Variants in ABCC12 observed in about 807,000 individuals in gnomAD.
ABCC12 encodes ATP binding cassette subfamily C member 12.
Under a neutral mutation model 151.1 loss-of-function variants are expected in ABCC12, and 142 were observed. The ratio of observed to expected loss-of-function variants is 0.94; its 90% confidence interval spans 0.82 to 1.08. ABCC12 has a LOEUF of 1.08. ABCC12 is among the 50% of genes least tolerant of loss of function. The probability of loss-of-function intolerance (pLI) is 0.00; values close to 1 mark genes in which losing one functional copy is unlikely to be tolerated. For missense variants in ABCC12, 1,638 were observed against 1,691.1 expected, an observed-to-expected ratio of 0.97 and a Z score of 0.55; for synonymous variants, 645 against 646.4, an observed-to-expected ratio of 1.00 and a Z score of 0.03.
chr16:48,101,714 G>A (rs1273334340), intron 22 of ABCC12, among the ~76,000 whole-genome samples: 1 of 152,060 alleles, frequency 6.6e-6, no homozygotes, highest in Non-Finnish European at 1.5e-5. Context: ...CAAGCAGGAC[G>A]AGCTCTGGTC....
At chr16:48,086,850 C>T (rs770993224) in intron 27 of ABCC12, 31 bp from the exon 28 acceptor site, 1 of 1,573,156 alleles carries the variant, frequency 6.4e-7, no homozygotes, top group Non-Finnish European at 8.7e-7. Context: ...GGACAGGGAG[C>T]CAGATTTCCA....
At chr16:48,144,195 T>C in intron 3 of ABCC12, 130 bp from the exon 4 acceptor site, 1 of 1,179,426 alleles carries the variant, frequency 8.5e-7, no homozygotes, top group South Asian at 1.6e-5. Context: ...ATTCATTATG[T>C]TTATTAGCCC....
chr16:48,116,333 G>T (rs1597313504), intron 14 of ABCC12, among the ~76,000 whole-genome samples: 1 of 152,316 alleles, frequency 6.6e-6, no homozygotes, highest in East Asian at 1.9e-4. Flanking sequence ...TCCACGGTGG[G>T]CAGGGTAGTT....
intron 24 of ABCC12, among the ~76,000 whole-genome samples, chr16:48,095,945 G>A (rs1463062149): frequency 2.6e-5 from 4 of 152,164 alleles, no homozygotes; most frequent in Non-Finnish European, 5.9e-5. Flanking sequence ...AGGACCAGGT[G>A]GCCTGCATTC....
Position 48,083,440 on chromosome 16 carries a change from G to T in ABCC12, c.*275C>A. 1 of 406,372 alleles carries T rather than the reference G, an allele frequency of 2.5e-6. No individual in the cohort carries two copies. Among genetic ancestry groups the T allele is most frequent in the Non-Finnish European group, 4.3e-6 (1 of 231,334 alleles). 25.2% of individuals were successfully genotyped at this position (406,372 alleles called of 1,614,324 possible). On this transcript the variant is annotated 3_prime_UTR_variant, in exon 31 of 31. Coordinates refer to ENST00000311303, the MANE Select transcript of ABCC12 (RefSeq NM_001393797.1). ...TGGGGTGGTTTTGGTGAAAACACATGAGGAACCCTTGGGGATTTGGGAGGT... is the reference window on the plus strand; with the variant it reads ...TGGGGTGGTTTTGGTGAAAACACATTAGGAACCCTTGGGGATTTGGGAGGT...
At chr16:48,084,865 T>A (rs1962516511) in intron 29 of ABCC12, among the ~76,000 whole-genome samples, 2 of 152,162 alleles carry the variant, frequency 1.3e-5, no homozygotes, top group African/African-American at 4.8e-5. Context: ...GGATTTGATT[T>A]AGCAAATCAG....
rs770947298 is a variant in ABCC12 at position 48,153,700 on chromosome 16, G to A, written c.-135C>T. On this transcript the variant is annotated 5_prime_UTR_variant, in exon 2 of 31. Transcript: ENST00000311303. ...TCATCAGCTTGTCTTAAGGGCTCCT[G>A]AGTCCCAGATGCCAAACACTGGAGG... is the stretch of plus-strand genomic sequence containing the variant. The A allele has an allele frequency of 3.9e-5, 6 of 152,196 alleles. No individual in the cohort carries two copies. The highest frequency in any genetic ancestry group is 7.3e-5 in the Non-Finnish European group (5 of 68,038). The allele number at this position is 152,196 out of a possible 1,614,324, so 9.4% of individuals were successfully genotyped here. A position where few individuals can be genotyped will look rare whatever the true frequency, so the allele number is the denominator to read the frequency against.
At position 48,142,097 on chromosome 16, in the gene ABCC12, C is replaced by T. The variant is rs893386067; in HGVS notation, c.276-744G>A. On this transcript the variant is annotated intron_variant, in intron 4 of 30. Coordinates refer to ENST00000311303, the MANE Select transcript of ABCC12 (RefSeq NM_001393797.1). ...AGGAAAGGAGAAAGAGGTTCAAGGA[C>T]CGACCCCAGTTTTCGGGCTTGGCCA... Among the ~76,000 whole-genome samples, 30 of 152,224 alleles carry T rather than the reference C, an allele frequency of 2.0e-4. 1 individual carries two copies. Among genetic ancestry groups the T allele is most frequent in the African/African-American group, 5.8e-4 (24 of 41,542 alleles).
At chr16:48,107,246 C>A in intron 20 of ABCC12, 76 bp downstream of exon 20, 1 of 1,371,364 alleles carries the variant, frequency 7.3e-7, no homozygotes, top group African/African-American at 1.4e-5. Context: ...GTGGCAGGGG[C>A]AGTCAGATGC....
chr16:48,081,293 C>G lies in ABCC12; in HGVS notation c.*2422G>C, dbSNP rs1434724698. ...CTACTATTATTCTACATAGTCTCCC[C>G]TTGGCTGACATGGCAGTGATAGCAA... is the stretch of plus-strand genomic sequence containing the variant. On this transcript the variant is annotated 3_prime_UTR_variant, in exon 31 of 31. Coordinates refer to ENST00000311303, the MANE Select transcript of ABCC12 (RefSeq NM_001393797.1). Among the ~76,000 whole-genome samples, 1 of 152,182 alleles carries G rather than the reference C, an allele frequency of 6.6e-6. No homozygotes were observed. The highest frequency in any genetic ancestry group is 2.4e-5 in the African/African-American group (1 of 41,436).
chr16:48,107,254 T>C, intron 20 of ABCC12, 68 bp downstream of exon 20: 1 of 1,448,826 alleles, frequency 6.9e-7, no homozygotes, highest in Non-Finnish European at 9.7e-7. Context: ...GGCAGTCAGA[T>C]GCTCTGGCAG....
At chr16:48,141,646 C>A (rs1319135587) in intron 4 of ABCC12, among the ~76,000 whole-genome samples, 1 of 152,192 alleles carries the variant, frequency 6.6e-6, no homozygotes, top group East Asian at 1.9e-4. Context: ...TATAAGAAGG[C>A]AGAGGCAACA....
At chr16:48,122,532 G>A (rs1035463765) in intron 12 of ABCC12, among the ~76,000 whole-genome samples, 4 of 152,152 alleles carry the variant, frequency 2.6e-5, no homozygotes, top group African/African-American at 9.7e-5. Context: ...GGTAGACAGC[G>A]GGGATGCAAC....
At chr16:48,146,549 C>A in intron 2 of ABCC12, 75 bp from the exon 3 acceptor site, 2 of 736,438 alleles carry the variant, frequency 2.7e-6, no homozygotes, top group East Asian at 5.0e-5. Flanking sequence ...CTACTTTACC[C>A]AGATCAGTTC....
rs560808940 is a variant in ABCC12 at position 48,083,078 on chromosome 16, C to T, written c.*637G>A. The stretch of plus-strand genomic sequence containing the variant: ...GTAATTTCCTACCGCGTTTTAACGA[C>T]GAATAAAGAAGATATAAAAGTGTCA... On this transcript the variant is annotated 3_prime_UTR_variant, in exon 31 of 31. Transcript: ENST00000311303. 5.9e-5 allele frequency: 9 copies of T among 152,210 alleles called. No individual in the cohort carries two copies. Among genetic ancestry groups the T allele is most frequent in the South Asian group, 2.1e-4 (1 of 4,810 alleles). The allele number at this position is 152,210 out of a possible 1,614,324, so 9.4% of individuals were successfully genotyped here. A position where few individuals can be genotyped will look rare whatever the true frequency, so the allele number is the denominator to read the frequency against.
rs187605623 is a variant in ABCC12 at position 48,092,239 on chromosome 16, C to T, written c.3196-1030G>A. ...AGCAGCCTTCACAAACAAACATAGGCGGTGAACCCAGATTGTACCAGGAGG... is the reference window on the plus strand; with the variant it reads ...AGCAGCCTTCACAAACAAACATAGGTGGTGAACCCAGATTGTACCAGGAGG... On this transcript the variant is annotated intron_variant, in intron 24 of 30. Coordinates refer to ENST00000311303, the MANE Select transcript of ABCC12 (RefSeq NM_001393797.1). Among the ~76,000 whole-genome samples, 78 of 152,308 alleles carry T rather than the reference C, an allele frequency of 5.1e-4. 1 individual carries two copies. The highest frequency in any genetic ancestry group is 1.4e-3 in the African/African-American group (60 of 41,560).
chr16:48,099,768 T>C (rs1217400979), intron 23 of ABCC12, among the ~76,000 whole-genome samples: 6 of 152,180 alleles, frequency 3.9e-5, no homozygotes, highest in African/African-American at 1.4e-4. Flanking sequence ...TCCGAGAGAA[T>C]ACCTCAGGGC....
chr16:48,086,160 T>C (rs144549192), intron 28 of ABCC12: 2 of 176,610 alleles, frequency 1.1e-5, no homozygotes, highest in East Asian at 3.0e-4. Flanking sequence ...TGGAAAAATA[T>C]CACGTTGGGC....
At chr16:48,130,741 C>T (rs1341720884) in intron 10 of ABCC12, 47 bp downstream of exon 10, 2 of 1,478,116 alleles carry the variant, frequency 1.4e-6, no homozygotes, top group Non-Finnish European at 1.9e-6. Flanking sequence ...CATTTTCCCA[C>T]CCCAAAATGA....
Sources: gnomAD v4.1 joint callset for allele counts (sites outside exome capture counted in the v4.1 genomes callset) on GRCh38, gnomAD v4.1.1 for gene constraint, MANE v1.5 for transcripts, NCBI Gene and HGNC (gene_info 2026-07-23, HGNC 2026-07-21) for gene names.